SUN1: variants seen among roughly 807,000 people sequenced by gnomAD.
The protein encoded by SUN1 is SUN domain-containing protein 1.
In SUN1, 61 loss-of-function variants were observed where a neutral mutation model predicts 103.2. The ratio of observed to expected loss-of-function variants is 0.59; its 90% CI spans 0.48 to 0.73. The LOEUF (loss-of-function observed/expected upper bound fraction) is 0.73. Ranked by LOEUF, SUN1 falls within the 30% of genes least tolerant of loss-of-function variation. The pLI is 0.00. For synonymous variants in SUN1, 490 were observed against 425.7 expected (o/e 1.15, Z -1.86); for missense variants, 1,052 against 1,034.6 (o/e 1.02, Z -0.23).
At chr7:833,922 A>T (rs1479914990) in intron 1 of SUN1, among the ~76,000 whole-genome samples, 1 of 152,204 alleles carries the variant, frequency 6.6e-6, no homozygotes, top group Non-Finnish European at 1.5e-5. Flanking sequence ...TAGAGTTTTT[A>T]AAATGCCTCT....
intron 1 of SUN1, among the ~76,000 whole-genome samples, chr7:826,407 G>C (rs1562501611): frequency 6.6e-6 from 1 of 151,344 alleles, no homozygotes; most frequent in East Asian, 1.9e-4. Flanking sequence ...GTGTCTCTCG[G>C]GAAGGTCCCT....
chr7:867,973 C>T (rs1041200997), intron 16 of SUN1, among the ~76,000 whole-genome samples: 14 of 152,240 alleles, frequency 9.2e-5, no homozygotes, highest in African/African-American at 3.4e-4. Context: ...CCACCCAGCA[C>T]CCTGAGCTGG....
rs1182764650 is a variant in SUN1, at chr7:872,347, T to C, written c.2149-123T>C. 5.2e-6 allele frequency: 4 copies of C among 762,280 alleles called. No individual in the cohort carries two copies. The East Asian group carries it at 1.1e-4, about 21-fold the overall frequency. The allele number at this position is 762,280 out of a possible 1,614,324, so 47.2% of individuals were successfully genotyped here. On this transcript the variant is annotated intron_variant, in intron 17 of 18. Transcript: ENST00000401592. Reference sequence around the variant, plus strand: ...TCGTGACTGCCATGGAGGAATGACCTTCTCTTACTGATGTGGAGGGAAACG... The same window carrying C: ...TCGTGACTGCCATGGAGGAATGACCCTCTCTTACTGATGTGGAGGGAAACG...
rs4605959 is a variant in SUN1, at chr7:853,660, G to C, written c.1263+42G>C. 0.44 allele frequency: 699,404 copies of C among 1,582,138 alleles called. 155,834 individuals carry two copies. Among genetic ancestry groups the C allele is most frequent in the East Asian group, 0.61 (27,188 of 44,372 alleles). On this transcript the variant is annotated intron_variant, in intron 10 of 18. Transcript: ENST00000401592. Reference sequence around the variant, plus strand: ...TACCAGGCTCCATGGTGACACCAACGCGCTTCTGGGTGCCATGTTCTCTCC... The same window carrying C: ...TACCAGGCTCCATGGTGACACCAACCCGCTTCTGGGTGCCATGTTCTCTCC...
At chr7:848,414 AT>A (rs1184439418) in intron 5 of SUN1, 1 of 1,350,484 alleles carries the variant, frequency 7.4e-7, no homozygotes, top group Non-Finnish European at 9.8e-7. Flanking sequence ...TGGTTTTTTA[AT>A]AGGCGGTGCG....
intron 11 of SUN1, 96 bp downstream of exon 11, chr7:855,102 T>G: frequency 1.1e-6 from 1 of 948,334 alleles, no homozygotes; most frequent in Non-Finnish European, 1.6e-6. Flanking sequence ...TTCCTCTTTT[T>G]AGGCTATTTG....
At chr7:834,302 C>G (rs533156403) in intron 1 of SUN1, among the ~76,000 whole-genome samples, 3 of 152,106 alleles carry the variant, frequency 2.0e-5, no homozygotes, top group South Asian at 4.1e-4. Context: ...GGGGGGCTCT[C>G]TGAGGTTGCT....
Position 874,721 on chromosome 7 carries a change from AT to A in SUN1, c.*1393del, listed in dbSNP as rs1297040602. Reference sequence around the variant, plus strand: ...ATTTCCTATATAAAACTGATTTGGGATTTGGGGTGGAAATATTTTGAATATT... The same window carrying A: ...ATTTCCTATATAAAACTGATTTGGGATTGGGGTGGAAATATTTTGAATATT... On this transcript the variant is annotated 3_prime_UTR_variant, in exon 19 of 19. Coordinates refer to ENST00000401592, the MANE Select transcript of SUN1 (RefSeq NM_001130965.3). The A allele has an allele frequency of 6.6e-6, 1 of 152,182 alleles. No homozygotes were observed. Among genetic ancestry groups the A allele is most frequent in the Non-Finnish European group, 1.5e-5 (1 of 68,032 alleles). 9.4% of individuals were successfully genotyped at this position (152,182 alleles called of 1,614,324 possible).
At chr7:818,510 A>G (rs1385310383) in intron 1 of SUN1, among the ~76,000 whole-genome samples, 1 of 152,128 alleles carries the variant, frequency 6.6e-6, no homozygotes, top group East Asian at 1.9e-4. Flanking sequence ...ACATTTGTGG[A>G]TGAGTTTTTG....
At chr7:847,129 G>A (rs554626662) in intron 5 of SUN1, among the ~76,000 whole-genome samples, 9 of 152,348 alleles carry the variant, frequency 5.9e-5, no homozygotes, top group South Asian at 2.1e-4. Context: ...TCTGAATGTC[G>A]TAGTGTATGT....
chr7:858,453 G>A (rs768480067), intron 13 of SUN1, among the ~76,000 whole-genome samples: 2 of 151,534 alleles, frequency 1.3e-5, no homozygotes, highest in African/African-American at 4.9e-5. Context: ...TCAGTGCTCC[G>A]TAGACTTCCC....
At chr7:819,813 C>T (rs1351474489) in intron 1 of SUN1, among the ~76,000 whole-genome samples, 1 of 151,174 alleles carries the variant, frequency 6.6e-6, no homozygotes, top group Non-Finnish European at 1.5e-5. Context: ...GGTTCAAACG[C>T]TTCTCCCGCC....
chr7:852,048 G>A lies in SUN1; in HGVS notation c.851+5G>A, dbSNP rs748788152. Reference sequence around the variant, plus strand: ...GAATGTGTTTCTTCTTACCAGGTAAGGAAATGGATATCATGTCAGCGTGGT... The same window carrying A: ...GAATGTGTTTCTTCTTACCAGGTAAAGAAATGGATATCATGTCAGCGTGGT... On this transcript the variant is annotated splice_donor_5th_base_variant and intron_variant, in intron 7 of 18. Transcript: ENST00000401592. 16 of 1,613,724 alleles carry A rather than the reference G, an allele frequency of 9.9e-6. No individual in the cohort carries two copies. The highest frequency in any genetic ancestry group is 1.7e-5 in the Admixed American group (1 of 59,990).
chr7:843,178 G>A, intron 3 of SUN1, 28 bp from the exon 4 acceptor site: 3 of 1,547,278 alleles, frequency 1.9e-6, no homozygotes, highest in Non-Finnish European at 2.6e-6. Flanking sequence ...CAGCAAAAAT[G>A]TGTGTGTGTG....
intron 9 of SUN1, 92 bp from the exon 10 acceptor site, chr7:853,317 C>G: frequency 7.0e-7 from 1 of 1,435,922 alleles, no homozygotes; most frequent in East Asian, 2.3e-5. Flanking sequence ...CCAGAGCTGG[C>G]GTCTTGCTGT....
At chr7:826,109 G>A (rs936450629) in intron 1 of SUN1, among the ~76,000 whole-genome samples, 13 of 152,048 alleles carry the variant, frequency 8.5e-5, no homozygotes, top group African/African-American at 2.7e-4. Flanking sequence ...GCCGTGACGC[G>A]CCCCTGTGGT....
intron 1 of SUN1, among the ~76,000 whole-genome samples, chr7:836,602 A>T (rs1469643058): frequency 6.6e-6 from 1 of 152,220 alleles, no homozygotes; most frequent in Non-Finnish European, 1.5e-5. Context: ...TTCCAGGTCC[A>T]GGCTGTCCAG....
intron 11 of SUN1, 114 bp downstream of exon 11, chr7:855,120 T>A: frequency 1.2e-6 from 1 of 825,978 alleles, no homozygotes; most frequent in Non-Finnish European, 1.9e-6. Context: ...TTGCTGTTTG[T>A]TTTGTGTAAA....
intron 1 of SUN1, among the ~76,000 whole-genome samples, chr7:818,205 C>G (rs1782675362): frequency 6.6e-6 from 1 of 152,204 alleles, no homozygotes; most frequent in Non-Finnish European, 1.5e-5. Flanking sequence ...CTTCCGTCTC[C>G]CCAGGCCCCG....
Sources: allele counts gnomAD v4.1 joint callset (sites outside exome capture counted in the v4.1 genomes callset), GRCh38; gene constraint gnomAD v4.1.1; transcripts MANE v1.5; gene names NCBI Gene and HGNC (gene_info 2026-07-23, HGNC 2026-07-21).